HTR1F: variants seen among roughly 807,000 people sequenced by gnomAD.
HTR1F encodes the protein 5-hydroxytryptamine receptor 1F.
In HTR1F, 17 loss-of-function variants were observed where a neutral mutation model predicts 24.0. The observed-to-expected ratio is 0.71, with a 90% CI of 0.48 to 1.06. The LOEUF (loss-of-function observed/expected upper bound fraction) is 1.06, where lower values mean the gene tolerates loss of function less well. Among genes scored for constraint, HTR1F ranks in the 50% least tolerant of loss-of-function variants. The pLI is 0.00. For missense variants in HTR1F, 391 were observed against 427.8 expected, an observed-to-expected ratio of 0.91 and a Z score of 0.76; for synonymous variants, 186 against 156.8, an observed-to-expected ratio of 1.19 and a Z score of -1.39.
intron 1 of HTR1F, among the ~76,000 whole-genome samples, chr3:87,800,116 C>T (rs1411774921): frequency 6.6e-6 from 1 of 152,062 alleles, no homozygotes. Context: ...CTAGCCTTGC[C>T]CTCATTTGTC....
At chr3:87,908,628 A>G (rs986144002) in intron 2 of HTR1F, among the ~76,000 whole-genome samples, 26 of 152,100 alleles carry the variant, frequency 1.7e-4, no homozygotes, top group African/African-American at 5.8e-4. Flanking sequence ...AGTCATGTCC[A>G]TTTCCTCTTT....
At chr3:87,927,795 G>A (rs1344180389) in intron 2 of HTR1F, among the ~76,000 whole-genome samples, 6 of 152,082 alleles carry the variant, frequency 3.9e-5, no homozygotes, top group Middle Eastern at 3.4e-3. Context: ...AGATACACAA[G>A]TAAATAAGAC....
chr3:87,942,379 G>T (rs542230880), intron 2 of HTR1F, among the ~76,000 whole-genome samples: 2 of 152,236 alleles, frequency 1.3e-5, no homozygotes, highest in Non-Finnish European at 2.9e-5. Flanking sequence ...CCGCACCTGT[G>T]TCCAGGAGAC....
intron 1 of HTR1F, among the ~76,000 whole-genome samples, chr3:87,794,616 A>T (rs1403292398): frequency 7.2e-5 from 11 of 152,180 alleles, no homozygotes; most frequent in Non-Finnish European, 4.4e-5. Context: ...GCTTCATCCA[A>T]GTGGGCTTAT....
chr3:87,945,074 G>GTC (rs1468370861), intron 2 of HTR1F, among the ~76,000 whole-genome samples: 8 of 150,328 alleles, frequency 5.3e-5, no homozygotes, highest in African/African-American at 1.7e-4. Flanking sequence ...TCTCTTCTCT[G>GTC]TCTCTCTCTC....
chr3:87,987,769 T>A (rs1705703441), intron 2 of HTR1F, among the ~76,000 whole-genome samples: 1 of 130,442 alleles, frequency 7.7e-6, no homozygotes, highest in Non-Finnish European at 1.6e-5. Context: ...TATATATGTA[T>A]TTTATATATG....
At chr3:87,955,629 C>T (rs1704927025) in intron 2 of HTR1F, among the ~76,000 whole-genome samples, 1 of 151,426 alleles carries the variant, frequency 6.6e-6, no homozygotes. Context: ...AATAGTTTTC[C>T]AAAGTAGTTG....
intron 2 of HTR1F, among the ~76,000 whole-genome samples, chr3:87,880,022 A>C (rs1446181467): frequency 6.6e-6 from 1 of 152,202 alleles, no homozygotes; most frequent in Non-Finnish European, 1.5e-5. Context: ...TCTGAGAGTT[A>C]AGGCTCAATA....
At chr3:87,920,242 A>G (rs1320604658) in intron 2 of HTR1F, among the ~76,000 whole-genome samples, 1 of 151,792 alleles carries the variant, frequency 6.6e-6, no homozygotes, top group East Asian at 1.9e-4. Context: ...GACTTTGGGG[A>G]CTCAGGGGAA....
chr3:87,860,195 C>T (rs1030772615), intron 2 of HTR1F, among the ~76,000 whole-genome samples: 8 of 152,040 alleles, frequency 5.3e-5, no homozygotes, highest in Admixed American at 1.3e-4. Flanking sequence ...GCATTTTTAA[C>T]GTGGAAAATT....
At chr3:87,922,854 T>C (rs551689845) in intron 2 of HTR1F, among the ~76,000 whole-genome samples, 2 of 151,080 alleles carry the variant, frequency 1.3e-5, no homozygotes, top group East Asian at 3.9e-4. Flanking sequence ...CTGTGTTCTC[T>C]AGTCTGTTAT....
chr3:87,856,745 G>A (rs1705207033), intron 2 of HTR1F, among the ~76,000 whole-genome samples: 1 of 152,020 alleles, frequency 6.6e-6, no homozygotes, highest in Non-Finnish European at 1.5e-5. Context: ...TTTCCTAAAT[G>A]TATGCCCATG....
At chr3:87,818,941 T>G (rs1704302269) in intron 1 of HTR1F, among the ~76,000 whole-genome samples, 2 of 152,314 alleles carry the variant, frequency 1.3e-5, no homozygotes, top group South Asian at 4.1e-4. Flanking sequence ...ATTGCTGGTT[T>G]AATAAACATA....
chr3:87,880,598 G>A (rs1353230426), intron 2 of HTR1F, among the ~76,000 whole-genome samples: 1 of 151,632 alleles, frequency 6.6e-6, no homozygotes, highest in Non-Finnish European at 1.5e-5. Context: ...ATTAAAACTT[G>A]CAACTAACTC....
intron 2 of HTR1F, among the ~76,000 whole-genome samples, chr3:87,946,087 G>A (rs189668140): frequency 4.6e-5 from 7 of 152,306 alleles, no homozygotes; most frequent in South Asian, 2.1e-4. Context: ...TGTTCAGCTC[G>A]ATTAGGATGA....
chr3:87,894,037 T>G (rs1706144648), intron 2 of HTR1F, among the ~76,000 whole-genome samples: 2 of 152,002 alleles, frequency 1.3e-5, no homozygotes, highest in Admixed American at 6.6e-5. Flanking sequence ...CCATAGGTTT[T>G]GGGGGGAACA....
chr3:87,844,931 TGTAGCCTTGTAGTATAGTTTGAAGTCAG>T lies in HTR1F; in HGVS notation c.-43+22812_-43+22839del, dbSNP rs1206512171. On this transcript the variant is annotated intron_variant, in intron 2 of 2. Transcript: ENST00000319595. The stretch of plus-strand genomic sequence containing the variant: ...GTACCTACCATGCTGTTTTGGTTAC[TGTAGCCTTGTAGTATAGTTTGAAGTCAG>T]GTAGTGTGATGCCTCCAGCTTTGTT... Among the ~76,000 whole-genome samples, 1,258 of 151,952 alleles carry T rather than the reference TGTAGCCTTGTAGTATAGTTTGAAGTCAG, an allele frequency of 8.3e-3. 41 individuals carry two copies. Among genetic ancestry groups the T allele is most frequent in the African/African-American group, 0.029 (1,194 of 41,294 alleles).
intron 2 of HTR1F, among the ~76,000 whole-genome samples, chr3:87,957,130 T>C (rs1704961619): frequency 6.6e-6 from 1 of 151,324 alleles, no homozygotes; most frequent in Non-Finnish European, 1.5e-5. Context: ...TTCCTTTCTA[T>C]TCCTACTTTT....
intron 2 of HTR1F, among the ~76,000 whole-genome samples, chr3:87,913,427 G>GA (rs1312997898): frequency 3.3e-5 from 5 of 151,982 alleles, no homozygotes; most frequent in African/African-American, 9.7e-5. Flanking sequence ...AATAAAAAGT[G>GA]AAAAAATAAC....
Sources: gnomAD v4.1 joint callset for allele counts (sites outside exome capture counted in the v4.1 genomes callset) on GRCh38, gnomAD v4.1.1 for gene constraint, MANE v1.5 for transcripts, NCBI Gene and HGNC (gene_info 2026-07-23, HGNC 2026-07-21) for gene names.